The following EIF4E2 variants were observed in gnomAD, a reference collection of about 807,000 sequenced individuals.
The protein encoded by EIF4E2 is eukaryotic translation initiation factor 4E family member 2, also known as eukaryotic translation initiation factor 4E type 2.
Under a neutral mutation model 34.2 loss-of-function variants are expected in EIF4E2, and 13 were observed. The ratio of observed to expected loss-of-function variants is 0.38; its 90% confidence interval spans 0.25 to 0.60. The LOEUF (loss-of-function observed/expected upper bound fraction) is 0.60. Among genes scored for constraint, EIF4E2 ranks in the 20% least tolerant of loss-of-function variants. The pLI is 0.62. For synonymous variants in EIF4E2, 100 were observed against 106.6 expected, an observed-to-expected ratio of 0.94 and a Z score of 0.38; for missense variants, 222 against 315.1, an observed-to-expected ratio of 0.70 and a Z score of 2.24.
intron 6 of EIF4E2, chr2:232,580,829 C>T: frequency 7.5e-7 from 1 of 1,330,080 alleles, no homozygotes; most frequent in Non-Finnish European, 1.0e-6. Context: ...AGTCAGCATC[C>T]CCCTGTATAT....
chr2:232,566,757 T>C lies in EIF4E2; in HGVS notation c.376-72T>C, dbSNP rs1392009356. ...TCTTAGTGTTTAAGAGATTCTTGGC[T>C]TTTTACTGCCTTCATACAAAAAAAG... On this transcript the variant is annotated intron_variant, in intron 4 of 6. Transcript: ENST00000258416. The surrounding 1 kb of genome is among the most constrained non-coding windows in gnomAD (Gnocchi z 4.9). 1 of 1,573,818 alleles carries C rather than the reference T, an allele frequency of 6.4e-7. No homozygotes were observed. The highest frequency in any genetic ancestry group is 8.7e-7 in the Non-Finnish European group (1 of 1,154,764).
chr2:232,563,192 C>T (rs1019503067), intron 3 of EIF4E2, among the ~76,000 whole-genome samples: 2 of 152,290 alleles, frequency 1.3e-5, no homozygotes, highest in Admixed American at 6.5e-5. Flanking sequence ...TCTCTTTCCT[C>T]CTAAAGTGTG....
intron 3 of EIF4E2, among the ~76,000 whole-genome samples, chr2:232,563,291 G>C (rs1045502652): frequency 1.3e-5 from 2 of 152,110 alleles, no homozygotes; most frequent in African/African-American, 4.8e-5. Flanking sequence ...TGTAGTCCCA[G>C]CTACTTGGGA....
exon 7 of EIF4E2, chr2:232,583,171 T>A (rs543494859): frequency 3.5e-4 from 54 of 152,330 alleles, no homozygotes; most frequent in African/African-American, 1.2e-3. Context: ...GGGATAAAGG[T>A]CTACCAGGGC....
intron 3 of EIF4E2, among the ~76,000 whole-genome samples, chr2:232,560,438 G>A (rs550375292): frequency 9.5e-4 from 145 of 152,268 alleles, no homozygotes; most frequent in African/African-American, 3.3e-3. Flanking sequence ...CTTAGGTTAG[G>A]CAAAGCCTTC....
At chr2:232,562,766 G>T (rs553000648) in intron 3 of EIF4E2, among the ~76,000 whole-genome samples, 1 of 152,188 alleles carries the variant, frequency 6.6e-6, no homozygotes, top group Non-Finnish European at 1.5e-5. Flanking sequence ...GTTCTAGTGG[G>T]TATATGTGGT....
In EIF4E2 at chr2:232,568,148, A is replaced by G. The variant is rs543574817; in HGVS notation, c.666-797A>G. On this transcript the variant is annotated intron_variant, in intron 6 of 6. Coordinates refer to ENST00000258416, the MANE Select transcript of EIF4E2 (RefSeq NM_004846.4). ...TACGGGGCCAAGTAGTAGTATTGCT[A>G]TCATCATCATCATCATTAGTAAGAA... 65 of 922,634 alleles carry G rather than the reference A, an allele frequency of 7.0e-5. 1 individual carries two copies. The African/African-American group carries it at 1.1e-3, about 15-fold the overall frequency. 57.2% of individuals were successfully genotyped at this position (922,634 alleles called of 1,614,324 possible). A position where few individuals can be genotyped will look rare whatever the true frequency, so the allele number is the denominator to read the frequency against.
At chr2:232,573,165 C>A (rs533718835), downstream of EIF4E2, among the ~76,000 whole-genome samples, 7 of 152,336 alleles carry the variant, frequency 4.6e-5, no homozygotes, top group East Asian at 1.9e-4. Flanking sequence ...GGCATTCTTA[C>A]ATTTTTCCTT....
intron 2 of EIF4E2, 139 bp downstream of exon 2, chr2:232,556,669 A>C: frequency 1.5e-6 from 1 of 653,972 alleles, no homozygotes; most frequent in Non-Finnish European, 2.7e-6. Context: ...TCAGAAAAAC[A>C]TTGTGCAATC....
chr2:232,562,156 A>G (rs1422886472), intron 3 of EIF4E2, among the ~76,000 whole-genome samples: 2 of 152,118 alleles, frequency 1.3e-5, no homozygotes, highest in African/African-American at 4.8e-5. Flanking sequence ...TCGAGGCTGC[A>G]GTGAGCCATG....
chr2:232,578,655 T>C (rs577266106), intron 6 of EIF4E2, among the ~76,000 whole-genome samples: 4 of 152,246 alleles, frequency 2.6e-5, no homozygotes, highest in Admixed American at 2.6e-4. Flanking sequence ...AGAAAGTGTT[T>C]TTAGAGCTCT....
chr2:232,552,342 GC>G (rs1692367967), intron 1 of EIF4E2, among the ~76,000 whole-genome samples: 1 of 152,088 alleles, frequency 6.6e-6, no homozygotes, highest in Non-Finnish European at 1.5e-5. Context: ...CTCCAGAGTA[GC>G]CGGACTACAG....
downstream of EIF4E2, among the ~76,000 whole-genome samples, chr2:232,572,641 C>T (rs994040243): frequency 2.0e-5 from 3 of 152,192 alleles, no homozygotes; most frequent in Non-Finnish European, 4.4e-5. Flanking sequence ...TGATTACAGG[C>T]GTGAGCCATG....
intron 3 of EIF4E2, among the ~76,000 whole-genome samples, chr2:232,563,849 T>G (rs1173975598): frequency 6.6e-6 from 1 of 152,238 alleles, no homozygotes; most frequent in Non-Finnish European, 1.5e-5. Flanking sequence ...AGGCTGAGGC[T>G]GTGTGACACT....
intron 4 of EIF4E2, among the ~76,000 whole-genome samples, chr2:232,565,665 C>A (rs1042118480): frequency 2.0e-5 from 3 of 152,100 alleles, no homozygotes; most frequent in African/African-American, 4.8e-5. Context: ...AGACCCACTT[C>A]TTGACTGTTT....
chr2:232,556,381 G>A lies in EIF4E2; in HGVS notation c.21-35G>A, dbSNP rs141535153. 1.2e-4 allele frequency: 180 copies of A among 1,561,346 alleles called. 1 individual carries two copies. The Middle Eastern group carries it at 1.5e-3, about 13-fold the overall frequency. ...TGTTAGGTAAGCAAGAATTGACTTC[G>A]TCACAGAATTGTATTGTGTTGCCTT... On this transcript the variant is annotated intron_variant, in intron 1 of 6. Coordinates refer to ENST00000258416, the MANE Select transcript of EIF4E2 (RefSeq NM_004846.4).
chr2:232,574,827 G>A (rs968377909), intron 6 of EIF4E2, among the ~76,000 whole-genome samples: 1 of 152,218 alleles, frequency 6.6e-6, no homozygotes, highest in Non-Finnish European at 1.5e-5. Flanking sequence ...CAGTAACGGG[G>A]CTGGATTTCA....
chr2:232,568,163 A>G lies in EIF4E2; in HGVS notation c.666-782A>G. 4 of 985,376 alleles carry G rather than the reference A, an allele frequency of 4.1e-6. No individual in the cohort carries two copies. The African/African-American group carries it at 5.2e-5, about 13-fold the overall frequency. 61.0% of individuals were successfully genotyped at this position (985,376 alleles called of 1,614,324 possible). A position where few individuals can be genotyped will look rare whatever the true frequency, so the allele number is the denominator to read the frequency against. ...TAGTATTGCTATCATCATCATCATC[A>G]TTAGTAAGAATATCATCATGTTGTT... On this transcript the variant is annotated intron_variant, in intron 6 of 6. Transcript: ENST00000258416.
intron 4 of EIF4E2, among the ~76,000 whole-genome samples, chr2:232,564,595 C>T (rs979288693): frequency 6.6e-6 from 1 of 152,206 alleles, no homozygotes; most frequent in African/African-American, 2.4e-5. Flanking sequence ...GGACTACAGG[C>T]GCCCACCACC....
Sources: gnomAD v4.1 joint callset for allele counts (sites outside exome capture counted in the v4.1 genomes callset) on GRCh38, gnomAD v4.1.1 for gene constraint, Gnocchi (gnomAD v3.1) non-coding constraint, MANE v1.5 for transcripts, NCBI Gene and HGNC (gene_info 2026-07-23, HGNC 2026-07-21) for gene names.